Variants in CSMD1 observed in about 807,000 individuals in gnomAD.
CSMD1 encodes the protein CUB and sushi domain-containing protein 1.
In CSMD1, 213 loss-of-function variants were observed where a neutral mutation model predicts 417.5. That is an observed-to-expected ratio of 0.51 (90% CI 0.46 to 0.57). CSMD1 has a LOEUF of 0.57. CSMD1 is among the 20% of genes least tolerant of loss of function. The pLI, the probability that CSMD1 is intolerant of heterozygous loss-of-function variation, is 0.00. For synonymous variants in CSMD1, 2,862 were observed against 1,736.8 expected, an observed-to-expected ratio of 1.65 and a Z score of -16.11; for missense variants, 6,923 against 4,529.7, an observed-to-expected ratio of 1.53 and a Z score of -15.17.
intron 6 of CSMD1, among the ~76,000 whole-genome samples, chr8:3,750,274 C>T (rs912869521): frequency 6.6e-6 from 1 of 151,172 alleles, no homozygotes; most frequent in Non-Finnish European, 1.5e-5. Context: ...ATATGCGAAG[C>T]ATAAAAATGT....
At chr8:4,980,213 G>A (rs1001732424) in intron 1 of CSMD1, among the ~76,000 whole-genome samples, 8 of 152,172 alleles carry the variant, frequency 5.3e-5, no homozygotes, top group Non-Finnish European at 1.0e-4. Flanking sequence ...TGAGCTTCGA[G>A]GTTGGATACT....
intron 7 of CSMD1, among the ~76,000 whole-genome samples, chr8:3,629,477 A>C (rs1358849445): frequency 6.6e-6 from 1 of 152,236 alleles, no homozygotes; most frequent in Admixed American, 6.5e-5. Context: ...ATGACATGGA[A>C]TACACAATAC....
At chr8:3,271,332 T>C (rs1801837551) in intron 26 of CSMD1, among the ~76,000 whole-genome samples, 1 of 152,040 alleles carries the variant, frequency 6.6e-6, no homozygotes, top group Non-Finnish European at 1.5e-5. Flanking sequence ...CTATCATTGT[T>C]GGACATTTGG....
At chr8:3,772,185 T>TATATATAG (rs1798609277) in intron 5 of CSMD1, among the ~76,000 whole-genome samples, 1 of 70,026 alleles carries the variant, frequency 1.4e-5, no homozygotes, top group African/African-American at 4.2e-5. Flanking sequence ...TATATATATA[T>TATATATAG]ATATACACAC....
chr8:3,805,146 C>A (rs1430012208), intron 5 of CSMD1, among the ~76,000 whole-genome samples: 1 of 152,162 alleles, frequency 6.6e-6, no homozygotes, highest in East Asian at 1.9e-4. Flanking sequence ...TCCACTAGGA[C>A]AGCAGCATCC....
intron 11 of CSMD1, among the ~76,000 whole-genome samples, chr8:3,477,363 A>T (rs1817492291): frequency 6.6e-6 from 1 of 152,252 alleles, no homozygotes; most frequent in Non-Finnish European, 1.5e-5. Flanking sequence ...ACTGCTTTGT[A>T]GTCTTTATGT....
rs1440492832 is a variant in CSMD1, at chr8:3,925,897, A to G, written c.818+72006T>C. Among the ~76,000 whole-genome samples the G allele has an allele frequency of 2.0e-5, 3 of 152,034 alleles. No individual in the cohort carries two copies. In the East Asian group the frequency reaches 5.8e-4, roughly 29 times the overall value. Reference sequence around the variant, plus strand: ...TATTCAAGTTTTATTTTTTAAATATATACTATCTGCATAACAAAATGTAGA... The same window carrying G: ...TATTCAAGTTTTATTTTTTAAATATGTACTATCTGCATAACAAAATGTAGA... On this transcript the variant is annotated intron_variant, in intron 5 of 69. Coordinates refer to ENST00000635120, the MANE Select transcript of CSMD1 (RefSeq NM_033225.6).
intron 26 of CSMD1, among the ~76,000 whole-genome samples, chr8:3,235,521 C>T (rs1251170221): frequency 2.0e-5 from 3 of 152,140 alleles, no homozygotes; most frequent in African/African-American, 2.4e-5. Flanking sequence ...CTTAGACATT[C>T]CCATTGCACA....
chr8:3,605,718 G>C (rs894196046), intron 8 of CSMD1, among the ~76,000 whole-genome samples: 1 of 152,194 alleles, frequency 6.6e-6, no homozygotes, highest in African/African-American at 2.4e-5. Flanking sequence ...GATGTTATTA[G>C]CATGAATAGT....
intron 12 of CSMD1, among the ~76,000 whole-genome samples, chr8:3,422,140 C>T (rs1788535592): frequency 6.6e-6 from 1 of 152,150 alleles, no homozygotes; most frequent in South Asian, 2.1e-4. Context: ...TCACTCTACT[C>T]TGCACCAGTG....
At chr8:4,411,819 A>C (rs1796663698) in intron 3 of CSMD1, among the ~76,000 whole-genome samples, 1 of 152,222 alleles carries the variant, frequency 6.6e-6, no homozygotes, top group Admixed American at 6.5e-5. Flanking sequence ...ATAGCTATGC[A>C]AATACTTTTA....
intron 5 of CSMD1, among the ~76,000 whole-genome samples, chr8:3,945,676 C>T (rs1400540234): frequency 3.3e-5 from 5 of 152,024 alleles, no homozygotes; most frequent in South Asian, 2.1e-4. Context: ...GGTGAAATGA[C>T]GACAGTCCAG....
In CSMD1 at chr8:4,297,565, T is replaced by G. The variant is rs560110875; in HGVS notation, c.415+122388A>C. Reference sequence around the variant, plus strand: ...ATGATCAATTTATAATGCTAAATGTTGTTATTTTAATTTTAGATGTTTAAA... The same window carrying G: ...ATGATCAATTTATAATGCTAAATGTGGTTATTTTAATTTTAGATGTTTAAA... On this transcript the variant is annotated intron_variant, in intron 3 of 69. Transcript: ENST00000635120. Among the ~76,000 whole-genome samples, 38 of 152,308 alleles carry G rather than the reference T, an allele frequency of 2.5e-4. No homozygotes were observed. The South Asian group carries it at 7.5e-3, about 30-fold the overall frequency.
At chr8:4,404,680 CTT>C (rs1408063725) in intron 3 of CSMD1, among the ~76,000 whole-genome samples, 2 of 151,768 alleles carry the variant, frequency 1.3e-5, no homozygotes, top group Non-Finnish European at 1.5e-5. Flanking sequence ...CTATATTAAA[CTT>C]ATGTTTATAA....
chr8:4,442,098 C>G (rs961404426), intron 2 of CSMD1, among the ~76,000 whole-genome samples: 2 of 152,064 alleles, frequency 1.3e-5, no homozygotes, highest in Non-Finnish European at 2.9e-5. Context: ...AAACACGTGA[C>G]GAAATGCTTA....
At chr8:4,467,060 G>T (rs569817470) in intron 2 of CSMD1, among the ~76,000 whole-genome samples, 14 of 136,554 alleles carry the variant, frequency 1.0e-4, no homozygotes, top group African/African-American at 3.5e-4. Flanking sequence ...ACAATTAAAA[G>T]AAGTGATTAG....
intron 10 of CSMD1, among the ~76,000 whole-genome samples, chr8:3,531,532 G>C (rs1045466704): frequency 1.3e-5 from 2 of 152,200 alleles, no homozygotes; most frequent in Non-Finnish European, 2.9e-5. Context: ...GGCAGTGAGA[G>C]GGAGGCAGCC....
intron 5 of CSMD1, among the ~76,000 whole-genome samples, chr8:3,778,691 G>A (rs989020948): frequency 1.3e-5 from 2 of 152,146 alleles, no homozygotes; most frequent in Non-Finnish European, 2.9e-5. Flanking sequence ...TTCAGAGCTG[G>A]CCAAAGATCA....
chr8:3,915,233 C>G (rs539040271), intron 5 of CSMD1, among the ~76,000 whole-genome samples: 66 of 152,000 alleles, frequency 4.3e-4, no homozygotes, highest in African/African-American at 1.4e-3. Context: ...TCACGAAACT[C>G]TGCCTCTACC....
Sources: gnomAD v4.1 joint callset for allele counts (sites outside exome capture counted in the v4.1 genomes callset) on GRCh38, gnomAD v4.1.1 for gene constraint, MANE v1.5 for transcripts, NCBI Gene and HGNC (gene_info 2026-07-23, HGNC 2026-07-21) for gene names.